The following STPG2 variants were observed in gnomAD, a reference collection of about 807,000 sequenced individuals.
STPG2 encodes sperm tail PG-rich repeat containing 2.
In STPG2, 56 loss-of-function variants were observed where a neutral mutation model predicts 54.2. The ratio of observed to expected loss-of-function variants is 1.03; its 90% confidence interval spans 0.83 to 1.29. The LOEUF (loss-of-function observed/expected upper bound fraction) is 1.29, where lower values mean the gene tolerates loss of function less well. Among genes scored for constraint, STPG2 ranks in the 50% most tolerant of loss-of-function variants. The pLI is 0.00. For missense variants in STPG2, 596 were observed against 544.9 expected, an observed-to-expected ratio of 1.09 and a Z score of -0.93; for synonymous variants, 200 against 181.8, an observed-to-expected ratio of 1.10 and a Z score of -0.81.
intron 10 of STPG2, among the ~76,000 whole-genome samples, chr4:97,566,553 G>T (rs911679018): frequency 1.3e-5 from 2 of 152,150 alleles, no homozygotes; most frequent in African/African-American, 2.4e-5. Context: ...GCTGTAGACT[G>T]GCGCTGTTCC....
chr4:97,524,342 A>G (rs562415568), intron 4 of STPG2, among the ~76,000 whole-genome samples: 1 of 152,082 alleles, frequency 6.6e-6, no homozygotes, highest in African/African-American at 2.4e-5. Flanking sequence ...GGTGGTCTGA[A>G]CTTTGTAATG....
intron 4 of STPG2, among the ~76,000 whole-genome samples, chr4:97,550,958 C>T (rs1318792954): frequency 6.6e-6 from 1 of 151,622 alleles, no homozygotes; most frequent in African/African-American, 2.4e-5. Flanking sequence ...AAAGAGTGAG[C>T]AGCAGCAAGA....
At chr4:97,542,291 C>T (rs1325130314) in intron 4 of STPG2, among the ~76,000 whole-genome samples, 1 of 152,142 alleles carries the variant, frequency 6.6e-6, no homozygotes, top group Non-Finnish European at 1.5e-5. Flanking sequence ...CAAACAACCC[C>T]ATCAAAAAGT....
At chr4:97,887,761 T>C (rs912118839) in intron 8 of STPG2, among the ~76,000 whole-genome samples, 6 of 152,204 alleles carry the variant, frequency 3.9e-5, no homozygotes, top group Non-Finnish European at 7.4e-5. Context: ...GTAAAGACAA[T>C]GAAAATAAGA....
chr4:97,537,219 C>T (rs770074820), intron 4 of STPG2, among the ~76,000 whole-genome samples: 1 of 152,114 alleles, frequency 6.6e-6, no homozygotes, highest in Non-Finnish European at 1.5e-5. Flanking sequence ...GTGCAGTGAA[C>T]CGAGTGTGAG....
At chr4:97,550,544 G>A (rs1446241790) in intron 4 of STPG2, among the ~76,000 whole-genome samples, 1 of 152,112 alleles carries the variant, frequency 6.6e-6, no homozygotes, top group Non-Finnish European at 1.5e-5. Flanking sequence ...ACCTTGTATG[G>A]AATATTATAA....
intron 7 of STPG2, among the ~76,000 whole-genome samples, chr4:97,965,493 C>T (rs1330618161): frequency 3.3e-5 from 5 of 152,156 alleles, no homozygotes; most frequent in Admixed American, 6.5e-5. Context: ...AGCAGTGGTT[C>T]TCCCAGCATG....
At chr4:97,599,882 T>C (rs1018131627) in intron 10 of STPG2, among the ~76,000 whole-genome samples, 4 of 150,246 alleles carry the variant, frequency 2.7e-5, no homozygotes, top group Admixed American at 6.6e-5. Context: ...ATGTGGCACA[T>C]ATACTCCATG....
intron 4 of STPG2, among the ~76,000 whole-genome samples, chr4:97,442,192 C>G (rs1729103309): frequency 1.3e-5 from 2 of 151,558 alleles, no homozygotes; most frequent in Non-Finnish European, 2.9e-5. Context: ...TTTTTTCTGG[C>G]TATATCACTT....
chr4:97,465,463 A>T (rs1394626953), intron 4 of STPG2, among the ~76,000 whole-genome samples: 1 of 152,092 alleles, frequency 6.6e-6, no homozygotes, highest in Non-Finnish European at 1.5e-5. Context: ...TTGTGTATAT[A>T]TGCTTTCCAG....
intron 9 of STPG2, among the ~76,000 whole-genome samples, chr4:97,832,242 C>G (rs1728491013): frequency 6.6e-6 from 1 of 152,158 alleles, no homozygotes; most frequent in Non-Finnish European, 1.5e-5. Flanking sequence ...TGTAATCCAT[C>G]ACATAAACAG....
At chr4:97,994,788 G>T (rs1353919622) in intron 5 of STPG2, among the ~76,000 whole-genome samples, 1 of 152,098 alleles carries the variant, frequency 6.6e-6, no homozygotes, top group Non-Finnish European at 1.5e-5. Flanking sequence ...CCCAAGCTAG[G>T]AGGTGGCACT....
chr4:97,834,369 G>A (rs894921418), intron 9 of STPG2, among the ~76,000 whole-genome samples: 17 of 152,176 alleles, frequency 1.1e-4, no homozygotes, highest in South Asian at 2.1e-4. Context: ...GGGGTGGGGC[G>A]CTAGGGGAGG....
At chr4:97,962,907 T>C (rs949726195) in intron 7 of STPG2, among the ~76,000 whole-genome samples, 1 of 151,832 alleles carries the variant, frequency 6.6e-6, no homozygotes, top group Non-Finnish European at 1.5e-5. Context: ...ACGCCTATAA[T>C]CCCAGCACTT....
At chr4:97,720,420 C>G (rs1056662018) in intron 9 of STPG2, among the ~76,000 whole-genome samples, 1 of 151,948 alleles carries the variant, frequency 6.6e-6, no homozygotes, top group Non-Finnish European at 1.5e-5. Flanking sequence ...AGAGCTGTGG[C>G]TTCACTTTAT....
At chr4:98,001,616 T>A (rs920906679) in intron 5 of STPG2, among the ~76,000 whole-genome samples, 7 of 152,134 alleles carry the variant, frequency 4.6e-5, no homozygotes, top group Admixed American at 3.3e-4. Context: ...ATAAGATTAA[T>A]TATTATTACA....
At chr4:98,030,035 C>T (rs1462280176) in intron 5 of STPG2, among the ~76,000 whole-genome samples, 1 of 152,192 alleles carries the variant, frequency 6.6e-6, no homozygotes, top group Non-Finnish European at 1.5e-5. Flanking sequence ...GGCCACTGGA[C>T]CCCAGAAACT....
intron 5 of STPG2, among the ~76,000 whole-genome samples, chr4:98,016,340 T>C (rs1057171150): frequency 6.6e-6 from 1 of 152,260 alleles, no homozygotes; most frequent in Non-Finnish European, 1.5e-5. Context: ...TCTGTAGTTA[T>C]GTTTTTAAGT....
At chr4:97,689,089 G>T (rs891815079) in intron 10 of STPG2, among the ~76,000 whole-genome samples, 1 of 152,070 alleles carries the variant, frequency 6.6e-6, no homozygotes, top group East Asian at 1.9e-4. Context: ...AACTGAATGT[G>T]CTGTCTGAGG....
Sources: allele counts gnomAD v4.1 joint callset (sites outside exome capture counted in the v4.1 genomes callset), GRCh38; gene constraint gnomAD v4.1.1; transcripts MANE v1.5; gene names NCBI Gene and HGNC (gene_info 2026-07-23, HGNC 2026-07-21).